DIXDC1: variants seen among roughly 807,000 people sequenced by gnomAD.
DIXDC1 encodes DIX domain containing 1.
Under a neutral mutation model 103.1 loss-of-function variants are expected in DIXDC1, and 64 were observed. That is an observed-to-expected ratio of 0.62 (90% CI 0.51 to 0.76). The LOEUF is 0.76. Among genes scored for constraint, DIXDC1 ranks in the 30% least tolerant of loss-of-function variants. DIXDC1 has a pLI of 0.00. For synonymous variants in DIXDC1, 266 were observed against 298.5 expected (o/e 0.89, Z 1.12); for missense variants, 759 against 834.2 (o/e 0.91, Z 1.11).
Position 112,019,129 on chromosome 11 carries a change from T to C in DIXDC1, c.*93T>C. 1 of 1,101,298 alleles carries C rather than the reference T, an allele frequency of 9.1e-7. No individual in the cohort carries two copies. The highest frequency in any genetic ancestry group is 1.3e-6 in the Non-Finnish European group (1 of 752,108). The allele number at this position is 1,101,298 out of a possible 1,614,324, so 68.2% of individuals were successfully genotyped here. A position where few individuals can be genotyped will look rare whatever the true frequency, so the allele number is the denominator to read the frequency against. On this transcript the variant is annotated 3_prime_UTR_variant, in exon 20 of 20. Coordinates refer to ENST00000440460, the MANE Select transcript of DIXDC1 (RefSeq NM_001037954.4). ...ACTAAAACCAGAATACACTAAGAAG[T>C]TTCTAGTTTGTGTGCCAAAACAGAA...
chr11:111,938,902 A>G (rs1025437559), intron 1 of DIXDC1, among the ~76,000 whole-genome samples: 4 of 152,226 alleles, frequency 2.6e-5, no homozygotes, highest in Non-Finnish European at 5.9e-5. Context: ...TCATCTTTGC[A>G]TCCTTCCTGT....
At chr11:112,012,322 G>T (rs1375172552) in intron 17 of DIXDC1, among the ~76,000 whole-genome samples, 1 of 152,194 alleles carries the variant, frequency 6.6e-6, no homozygotes, top group Non-Finnish European at 1.5e-5. Flanking sequence ...AAAATTAACT[G>T]TAAAGTTAGG....
chr11:111,995,713 G>T, intron 16 of DIXDC1, 149 bp downstream of exon 16: 1 of 1,010,432 alleles, frequency 9.9e-7, no homozygotes. Context: ...TCTCTCAGTG[G>T]AACTGACTAT....
At chr11:111,978,781 G>A (rs912798420) in intron 5 of DIXDC1, among the ~76,000 whole-genome samples, 1 of 152,230 alleles carries the variant, frequency 6.6e-6, no homozygotes, top group African/African-American at 2.4e-5. Context: ...AGATGAGAAA[G>A]TGTTTTCTTG....
chr11:111,966,639 GT>G (rs1859751253), intron 2 of DIXDC1, among the ~76,000 whole-genome samples: 1 of 152,210 alleles, frequency 6.6e-6, no homozygotes, highest in African/African-American at 2.4e-5. Context: ...TCTTGACCTC[GT>G]GATCTGCCTG....
Position 111,937,460 on chromosome 11 carries a change from C to G in DIXDC1, c.-40C>G, listed in dbSNP as rs1359945844. On this transcript the variant is annotated 5_prime_UTR_variant, in exon 1 of 20. Coordinates refer to ENST00000440460, the MANE Select transcript of DIXDC1 (RefSeq NM_001037954.4). ...AGGAGGAGGAGGCGGCGGCGGCCGC[C>G]GGGCTGGAGACCCCGCCCGGGGAGC... The G allele has an allele frequency of 3.9e-6, 6 of 1,556,462 alleles. No individual in the cohort carries two copies. Among genetic ancestry groups the G allele is most frequent in the Admixed American group, 3.9e-5 (2 of 50,784 alleles).
intron 1 of DIXDC1, chr11:111,945,611 T>C (rs1252856950): frequency 5.9e-5 from 9 of 152,058 alleles, no homozygotes; most frequent in African/African-American, 1.9e-4. Context: ...TATAATTCTT[T>C]TTTTTTTTAA....
intron 2 of DIXDC1, among the ~76,000 whole-genome samples, chr11:111,930,508 A>T (rs1965975682): frequency 6.6e-6 from 1 of 152,148 alleles, no homozygotes; most frequent in African/African-American, 2.4e-5. Flanking sequence ...ACATGCGATC[A>T]TATGCTGCAC....
chr11:111,967,824 T>A (rs1025976814), intron 2 of DIXDC1, among the ~76,000 whole-genome samples: 4 of 152,230 alleles, frequency 2.6e-5, no homozygotes, highest in African/African-American at 9.6e-5. Context: ...AGGATAAAAT[T>A]CAGGCCCTTT....
intron 14 of DIXDC1, 104 bp from the exon 15 acceptor site, chr11:111,994,915 A>G: frequency 9.4e-7 from 1 of 1,067,720 alleles, no homozygotes; most frequent in South Asian, 1.5e-5. Flanking sequence ...ACAGACAATT[A>G]TATACTTCAT....
chr11:111,989,027 A>AAGAAG lies in DIXDC1; in HGVS notation c.1086_1090dup (p.Ala364GlufsTer9). On this transcript the variant is annotated frameshift_variant, in exon 10 of 20. Coordinates refer to ENST00000440460, the MANE Select transcript of DIXDC1 (RefSeq NM_001037954.4). LOFTEE classifies it high-confidence loss of function. Reference sequence around the variant, plus strand: ...CAGAAGGAACTGCTGAAATGTAAACAAGAAGCCAGAAACTTACAGGGGATA... The same window carrying AAGAAG: ...CAGAAGGAACTGCTGAAATGTAAACAAGAAGAGAAGCCAGAAACTTACAGGGGATA... The AAGAAG allele has an allele frequency of 6.2e-7, 1 of 1,611,644 alleles. No homozygotes were observed. The highest frequency in any genetic ancestry group is 1.3e-5 in the African/African-American group (1 of 74,990).
At chr11:111,983,010 C>T (rs1214952768) in intron 7 of DIXDC1, among the ~76,000 whole-genome samples, 1 of 152,226 alleles carries the variant, frequency 6.6e-6, no homozygotes, top group Non-Finnish European at 1.5e-5. Context: ...AGCAACAAAG[C>T]CCTTCAGTTT....
chr11:111,955,833 C>CAAAAA (rs781822030), intron 1 of DIXDC1, among the ~76,000 whole-genome samples: 3 of 17,666 alleles, frequency 1.7e-4, no homozygotes, highest in Non-Finnish European at 2.9e-4. Flanking sequence ...GACTCTAGCT[C>CAAAAA]AAAAAAAAAA....
intron 1 of DIXDC1, among the ~76,000 whole-genome samples, chr11:111,947,498 T>C (rs1210853110): frequency 2.6e-5 from 4 of 152,214 alleles, no homozygotes; most frequent in African/African-American, 9.6e-5. Flanking sequence ...CCTTCACAAG[T>C]GTCTACTTTG....
chr11:111,994,917 A>G (rs977914938), intron 14 of DIXDC1, 102 bp from the exon 15 acceptor site: 8 of 1,067,308 alleles, frequency 7.5e-6, no homozygotes, highest in East Asian at 2.4e-5. Context: ...AGACAATTAT[A>G]TACTTCATCA....
intron 1 of DIXDC1, among the ~76,000 whole-genome samples, chr11:111,962,522 G>A (rs1168853241): frequency 1.3e-5 from 2 of 151,954 alleles, no homozygotes; most frequent in Admixed American, 6.6e-5. Context: ...GAGGTGGAGC[G>A]GCTGGAAAGC....
At chr11:112,018,194 A>C (rs955039728) in intron 19 of DIXDC1, among the ~76,000 whole-genome samples, 2 of 152,252 alleles carry the variant, frequency 1.3e-5, no homozygotes, top group Non-Finnish European at 1.5e-5. Flanking sequence ...CTGCAGCCAA[A>C]TCTTAGAAAA....
At position 111,995,950 on chromosome 11, in the gene DIXDC1, T is replaced by C. The variant is rs755640575; in HGVS notation, c.1690-130T>C. The C allele has an allele frequency of 7.7e-4, 620 of 807,312 alleles. 1 individual carries two copies. The highest frequency in any genetic ancestry group is 1.1e-3 in the Non-Finnish European group (546 of 487,600). 50.0% of individuals were successfully genotyped at this position (807,312 alleles called of 1,614,324 possible). A position where few individuals can be genotyped will look rare whatever the true frequency, so the allele number is the denominator to read the frequency against. On this transcript the variant is annotated intron_variant, in intron 16 of 19. Transcript: ENST00000440460. ...ATTATTATTGTTAGGATAAATATAT[T>C]AGATTTTATATGTTGTGGAAGAGAT...
At position 111,980,726 on chromosome 11, in the gene DIXDC1, T is replaced by A; in HGVS notation, c.657-11T>A. 6.2e-7 allele frequency: 1 copy of A among 1,606,620 alleles called. No individual in the cohort carries two copies. Among genetic ancestry groups the A allele is most frequent in the African/African-American group, 1.3e-5 (1 of 74,738 alleles). ...TAATAATCGTTTTTCTTCCTTTTTC[T>A]TCAATCACAGCCTGACTTCACCCAG... On this transcript the variant is annotated splice_polypyrimidine_tract_variant and intron_variant, in intron 5 of 19. Transcript: ENST00000440460.
Sources: allele counts gnomAD v4.1 joint callset (sites outside exome capture counted in the v4.1 genomes callset), GRCh38; gene constraint gnomAD v4.1.1; transcripts MANE v1.5; gene names NCBI Gene and HGNC (gene_info 2026-07-23, HGNC 2026-07-21).